Variants in PTPMT1 observed in about 807,000 individuals in gnomAD.
The protein encoded by PTPMT1 is protein tyrosine phosphatase mitochondrial 1.
A neutral mutation model predicts 17.8 loss-of-function variants in PTPMT1; 12 were observed. That is an observed-to-expected ratio of 0.67 (90% CI 0.43 to 1.09). The LOEUF is 1.09. Ranked by LOEUF, PTPMT1 falls within the 50% of genes least tolerant of loss-of-function variation. The pLI is 0.00. For synonymous variants in PTPMT1, 132 were observed against 116.8 expected, an observed-to-expected ratio of 1.13 and a Z score of -0.84; for missense variants, 262 against 266.0, an observed-to-expected ratio of 0.99 and a Z score of 0.10.
intron 2 of PTPMT1, among the ~76,000 whole-genome samples, chr11:47,568,419 T>C (rs555331957): frequency 1.3e-5 from 2 of 152,074 alleles, no homozygotes; most frequent in African/African-American, 4.8e-5. Flanking sequence ...CTCATGCCTG[T>C]AATCCCAGCA....
At position 47,573,194 on chromosome 11, in the gene PTPMT1, C is replaced by T. The variant is rs779018703; in HGVS notation, c.*1565C>T. On this transcript the variant is annotated 3_prime_UTR_variant, in exon 4 of 4. Transcript: ENST00000326674. The surrounding 1 kb of genome is among the most constrained non-coding windows in gnomAD (Gnocchi z 4.1). ...AGTCCCCTTCAGCCACGATGAACAC[C>T]AGATCTTTATGCACAGCTGCGTGCA... The T allele has an allele frequency of 6.2e-7, 1 of 1,614,172 alleles. No homozygotes were observed. The highest frequency in any genetic ancestry group is 1.7e-5 in the Admixed American group (1 of 60,030).
intron 2 of PTPMT1, 103 bp from the exon 3 acceptor site, chr11:47,569,597 C>G (rs1465144487): frequency 1.1e-6 from 1 of 873,042 alleles, no homozygotes; most frequent in Non-Finnish European, 1.7e-6. Flanking sequence ...GTAGTAAACC[C>G]TGAAACTTCC....
chr11:47,567,476 A>C (rs1308788836), intron 2 of PTPMT1, among the ~76,000 whole-genome samples: 1 of 152,140 alleles, frequency 6.6e-6, no homozygotes, highest in African/African-American at 2.4e-5. Context: ...TAAGAGGTTA[A>C]TAACAAGAGT....
chr11:47,570,356 G>T (rs1004261992), intron 3 of PTPMT1, among the ~76,000 whole-genome samples: 3 of 152,200 alleles, frequency 2.0e-5, no homozygotes, highest in Non-Finnish European at 2.9e-5. Flanking sequence ...TTGTGACAGG[G>T]TAACCTGGGG....
At chr11:47,569,959 G>A in intron 3 of PTPMT1, 68 bp downstream of exon 3, 1 of 1,294,154 alleles carries the variant, frequency 7.7e-7, no homozygotes, top group Non-Finnish European at 1.1e-6. Context: ...TGGGAGGCTT[G>A]AGATGGGAGG....
intron 2 of PTPMT1, 31 bp from the exon 3 acceptor site, chr11:47,569,669 C>G (rs371510835): frequency 3.0e-5 from 46 of 1,546,176 alleles, no homozygotes; most frequent in Non-Finnish European, 3.5e-5. Context: ...TTTTTTCATT[C>G]TCTTTTTCAT....
Position 47,569,799 on chromosome 11 carries a change from C to G in PTPMT1, c.355C>G (p.Leu119Val), listed in dbSNP as rs938906164. ...CCTCCAGAAGGGAGTCCAATTTGCT[C>G]TCAAGTACCAGTCGCTGGGCCAGTG... is the stretch of plus-strand genomic sequence containing the variant. ...DNLQKGVQFA[L>V]KYQSLGQCVY... Residue 119 changes from leucine (L) to valine (V), a missense_variant, in exon 3 of 4, where the codon CTC becomes GTC. Transcript: ENST00000326674. 2.7e-5 allele frequency: 44 copies of G among 1,614,002 alleles called. No individual in the cohort carries two copies. Among genetic ancestry groups the G allele is most frequent in the Non-Finnish European group, 3.6e-5 (43 of 1,180,032 alleles).
At position 47,572,736 on chromosome 11, in the gene PTPMT1, T is replaced by C. The variant is rs1478481692; in HGVS notation, c.*1107T>C. Reference sequence around the variant, plus strand: ...AGAGAACAGGCTGGCCTACTGTCAGTTCAAGCAACCAGCTGAGCAGCAGCA... The same window carrying C: ...AGAGAACAGGCTGGCCTACTGTCAGCTCAAGCAACCAGCTGAGCAGCAGCA... On this transcript the variant is annotated 3_prime_UTR_variant, in exon 4 of 4. Coordinates refer to ENST00000326674, the MANE Select transcript of PTPMT1 (RefSeq NM_175732.3). The C allele has an allele frequency of 3.2e-6, 2 of 618,284 alleles. No individual in the cohort carries two copies. Among genetic ancestry groups the C allele is most frequent in the African/African-American group, 3.7e-5 (2 of 54,242 alleles). 38.3% of individuals were successfully genotyped at this position (618,284 alleles called of 1,614,324 possible). A position where few individuals can be genotyped will look rare whatever the true frequency, so the allele number is the denominator to read the frequency against.
In PTPMT1 at chr11:47,573,132, G is replaced by C; in HGVS notation, c.*1503G>C. 2 of 1,614,208 alleles carry C rather than the reference G, an allele frequency of 1.2e-6. No homozygotes were observed. Among genetic ancestry groups the C allele is most frequent in the Non-Finnish European group, 1.7e-6 (2 of 1,180,034 alleles). ...CCAGGCCTCAGGAAGGCAAAGCCGG[G>C]TGAAGCTGTCTAGCAAGGGATTGTA... On this transcript the variant is annotated 3_prime_UTR_variant, in exon 4 of 4. Transcript: ENST00000326674. The surrounding 1 kb of genome is among the most constrained non-coding windows in gnomAD (Gnocchi z 4.1).
chr11:47,569,190 A>G (rs942822998), intron 2 of PTPMT1, among the ~76,000 whole-genome samples: 1 of 151,658 alleles, frequency 6.6e-6, no homozygotes, highest in African/African-American at 2.4e-5. Flanking sequence ...GTTCGAGACC[A>G]GCCTGGCCAA....
intron 3 of PTPMT1, among the ~76,000 whole-genome samples, chr11:47,571,082 A>T (rs960133665): frequency 1.3e-5 from 2 of 152,240 alleles, no homozygotes; most frequent in Non-Finnish European, 2.9e-5. Flanking sequence ...GACAAGTTGC[A>T]TAAAAACATC....
intron 2 of PTPMT1, among the ~76,000 whole-genome samples, chr11:47,566,446 G>A (rs1423568184): frequency 6.9e-6 from 1 of 145,450 alleles, no homozygotes; most frequent in African/African-American, 2.6e-5. Context: ...TCTCGCCATT[G>A]CATTCCAGCC....
chr11:47,565,899 T>G lies in PTPMT1; in HGVS notation c.175-7T>G. 6.2e-7 allele frequency: 1 copy of G among 1,612,460 alleles called. No homozygotes were observed. ...GTCTTTGCTGAGCCACCTCTTTGCC[T>G]CGGCAGCTGGTACAGGACGAGAACG... is the stretch of plus-strand genomic sequence containing the variant. On this transcript the variant is annotated splice_polypyrimidine_tract_variant and splice_region_variant and intron_variant, in intron 1 of 3. Coordinates refer to ENST00000326674, the MANE Select transcript of PTPMT1 (RefSeq NM_175732.3).
rs758310435 is a variant in PTPMT1, at chr11:47,569,219, C to G, written c.256-481C>G. 2.0e-5 allele frequency among the ~76,000 whole-genome samples: 3 copies of G among 151,466 alleles called. No individual in the cohort carries two copies. In the East Asian group the frequency reaches 5.9e-4, roughly 30 times the overall value. ...TGGCCAACATGATGAAACCCCGTCT[C>G]TACTAAAAATGCAAAAATTAGCCAG... is the stretch of plus-strand genomic sequence containing the variant. On this transcript the variant is annotated intron_variant, in intron 2 of 3. Transcript: ENST00000326674.
chr11:47,573,339 A>T lies in PTPMT1; in HGVS notation c.*1710A>T. The T allele has an allele frequency of 2.5e-6, 4 of 1,614,148 alleles. No individual in the cohort carries two copies. Among genetic ancestry groups the T allele is most frequent in the Non-Finnish European group, 3.4e-6 (4 of 1,180,010 alleles). ...GTCCAGATCATTCTCCTCCCCCCCT[A>T]GTAAGTAGATGATCCCGTTGAGGTT... is the stretch of plus-strand genomic sequence containing the variant. On this transcript the variant is annotated 3_prime_UTR_variant, in exon 4 of 4. Transcript: ENST00000326674. This position sits in a 1 kb window ranked among gnomAD's most constrained non-coding sequence, Gnocchi z 4.1.
chr11:47,565,728 G>A lies in PTPMT1; in HGVS notation c.106G>A (p.Asp36Asn). 4 of 1,588,032 alleles carry A rather than the reference G, an allele frequency of 2.5e-6. No homozygotes were observed. The highest frequency in any genetic ancestry group is 1.1e-5 in the South Asian group (1 of 87,196). ...RGKVPGRAHR[D>N]WYHRIDPTVL... ...GAAGGTGCCGGGTCGGGCGCACCGG[G>A]ACTGGTACCACCGCATCGACCCCAC... is the stretch of plus-strand genomic sequence containing the variant. Residue 36 changes from aspartate to asparagine, a missense_variant, in exon 1 of 4, where the codon GAC becomes AAC. Transcript: ENST00000326674.
chr11:47,566,452 C>T (rs2097244530), intron 2 of PTPMT1, among the ~76,000 whole-genome samples: 1 of 145,272 alleles, frequency 6.9e-6, no homozygotes, highest in Non-Finnish European at 1.5e-5. Flanking sequence ...CATTGCATTC[C>T]AGCCCAGCCT....
intron 2 of PTPMT1, among the ~76,000 whole-genome samples, chr11:47,568,221 ATTGTT>A (rs1484381495): frequency 6.6e-6 from 1 of 151,370 alleles, no homozygotes; most frequent in Non-Finnish European, 1.5e-5. Context: ...TGCCCGGCCC[ATTGTT>A]TTAATTTTAA....
intron 3 of PTPMT1, 129 bp downstream of exon 3, chr11:47,570,020 G>A (rs549285372): frequency 4.2e-5 from 29 of 693,292 alleles, no homozygotes; most frequent in South Asian, 1.3e-4. Context: ...TGGCAAAACC[G>A]TCTCTACAAA....
Sources: gnomAD v4.1 joint callset for allele counts (sites outside exome capture counted in the v4.1 genomes callset) on GRCh38, gnomAD v4.1.1 for gene constraint, Gnocchi (gnomAD v3.1) non-coding constraint, MANE v1.5 for transcripts, NCBI Gene and HGNC (gene_info 2026-07-23, HGNC 2026-07-21) for gene names.